The following ITGA9 variants were observed in gnomAD, a reference collection of about 807,000 sequenced individuals.
The protein encoded by ITGA9 is integrin subunit alpha 9.
In ITGA9, 56 loss-of-function variants were observed where a neutral mutation model predicts 127.8. The ratio of observed to expected loss-of-function variants is 0.44; its 90% CI spans 0.35 to 0.55. ITGA9 has a LOEUF of 0.55. Ranked by LOEUF, ITGA9 falls within the 20% of genes least tolerant of loss-of-function variation. ITGA9 has a pLI of 0.00. For missense variants in ITGA9, 1,196 were observed against 1,347.1 expected, an observed-to-expected ratio of 0.89 and a Z score of 1.76; for synonymous variants, 508 against 514.5, an observed-to-expected ratio of 0.99 and a Z score of 0.17.
At chr3:37,644,935 C>T (rs572762123) in intron 16 of ITGA9, among the ~76,000 whole-genome samples, 4 of 152,274 alleles carry the variant, frequency 2.6e-5, no homozygotes, top group East Asian at 1.9e-4. Context: ...TTCCTTCCTT[C>T]GTTTAGGCAT....
intron 16 of ITGA9, among the ~76,000 whole-genome samples, chr3:37,639,091 A>G (rs112295707): frequency 4.1e-4 from 62 of 152,344 alleles, no homozygotes; most frequent in African/African-American, 1.4e-3. Context: ...GCCTCCGTAC[A>G]TACAGCCTGA....
In ITGA9 at chr3:37,821,115, A is replaced by C. The variant is rs1248962059; in HGVS notation, c.*2126A>C. Reference sequence around the variant, plus strand: ...TGCTTCTCTTCCTGGTGAACATGGGAATAGACCAAAAAAATCAAGGGTCAA... The same window carrying C: ...TGCTTCTCTTCCTGGTGAACATGGGCATAGACCAAAAAAATCAAGGGTCAA... On this transcript the variant is annotated 3_prime_UTR_variant, in exon 28 of 28. Transcript: ENST00000264741. The C allele has an allele frequency of 1.3e-5, 2 of 152,138 alleles. No individual in the cohort carries two copies. Among genetic ancestry groups the C allele is most frequent in the Non-Finnish European group, 2.9e-5 (2 of 68,030 alleles). The allele number at this position is 152,138 out of a possible 1,614,324, so 9.4% of individuals were successfully genotyped here.
At chr3:37,600,844 T>C (rs1313868040) in intron 15 of ITGA9, among the ~76,000 whole-genome samples, 2 of 152,182 alleles carry the variant, frequency 1.3e-5, no homozygotes, top group African/African-American at 2.4e-5. Context: ...CCCAACCCCA[T>C]GTGTGCACAT....
chr3:37,493,482 T>C (rs939775866), intron 4 of ITGA9, among the ~76,000 whole-genome samples: 1 of 152,214 alleles, frequency 6.6e-6, no homozygotes, highest in Non-Finnish European at 1.5e-5. Context: ...TTTGAGTCAC[T>C]GTGAACATCT....
chr3:37,571,264 G>A (rs1307710733), intron 15 of ITGA9, among the ~76,000 whole-genome samples: 1 of 152,174 alleles, frequency 6.6e-6, no homozygotes, highest in Non-Finnish European at 1.5e-5. Flanking sequence ...CAAAATCTGA[G>A]CTGTGCTTAT....
chr3:37,704,159 C>A (rs1700977846), intron 18 of ITGA9, among the ~76,000 whole-genome samples: 1 of 152,136 alleles, frequency 6.6e-6, no homozygotes, highest in African/African-American at 2.4e-5. Context: ...CTTATTACAT[C>A]ACGGCCAGTT....
Position 37,481,662 on chromosome 3 carries a change from G to A in ITGA9, c.544+55G>A, listed in dbSNP as rs117087693. 514 of 1,606,876 alleles carry A rather than the reference G, an allele frequency of 3.2e-4. 4 individuals are homozygous for A. The East Asian group carries it at 1.0e-2, about 31-fold the overall frequency. ...CCTACCCACCTCATGCCCTAAGCCC[G>A]CCTTCCCACCTCTATGCACCACCAG... On this transcript the variant is annotated intron_variant, in intron 4 of 27. Transcript: ENST00000264741.
At chr3:37,570,092 A>G (rs920367152) in intron 15 of ITGA9, among the ~76,000 whole-genome samples, 3 of 152,220 alleles carry the variant, frequency 2.0e-5, no homozygotes, top group Non-Finnish European at 4.4e-5. Context: ...TGATTTTGCT[A>G]TGCGCCAAAG....
intron 15 of ITGA9, chr3:37,585,657 A>G (rs1553648597): frequency 7.8e-6 from 4 of 515,588 alleles, no homozygotes; most frequent in South Asian, 5.6e-5. Flanking sequence ...TTGTGGCTAA[A>G]GAAGTCTCAA....
chr3:37,566,607 A>G (rs1386748191), intron 15 of ITGA9, among the ~76,000 whole-genome samples: 2 of 152,226 alleles, frequency 1.3e-5, no homozygotes, highest in Non-Finnish European at 2.9e-5. Flanking sequence ...AGGTGGGATA[A>G]GTGCTGGGGC....
intron 15 of ITGA9, among the ~76,000 whole-genome samples, chr3:37,604,981 T>C (rs1201917762): frequency 1.3e-5 from 2 of 152,190 alleles, no homozygotes; most frequent in Non-Finnish European, 2.9e-5. Flanking sequence ...GAAATAGACA[T>C]GAGTACTCTT....
At chr3:37,662,769 A>G (rs865901261) in intron 17 of ITGA9, among the ~76,000 whole-genome samples, 1 of 152,150 alleles carries the variant, frequency 6.6e-6, no homozygotes, top group Non-Finnish European at 1.5e-5. Context: ...GACCTTACTC[A>G]CTGTACGAAA....
At chr3:37,808,549 A>G (rs1697326740) in intron 27 of ITGA9, 1 of 152,222 alleles carries the variant, frequency 6.6e-6, no homozygotes, top group Non-Finnish European at 1.5e-5. Flanking sequence ...GTATCATACC[A>G]GCTAGCTATG....
At chr3:37,715,247 C>T (rs1283970247) in intron 18 of ITGA9, among the ~76,000 whole-genome samples, 3 of 152,146 alleles carry the variant, frequency 2.0e-5, no homozygotes, top group South Asian at 2.1e-4. Context: ...TAGCAATAAC[C>T]ATTACCATGG....
At chr3:37,635,354 T>C (rs1700267307) in intron 16 of ITGA9, among the ~76,000 whole-genome samples, 1 of 152,202 alleles carries the variant, frequency 6.6e-6, no homozygotes, top group Non-Finnish European at 1.5e-5. Context: ...AACTTGATTA[T>C]ATAAAGGTAA....
chr3:37,488,810 A>T lies in ITGA9; in HGVS notation c.545-5691A>T, dbSNP rs184350228. Among the ~76,000 whole-genome samples the T allele has an allele frequency of 4.0e-3, 607 of 152,186 alleles. 2 individuals are homozygous for T. The highest frequency in any genetic ancestry group is 6.8e-3 in the Middle Eastern group (2 of 294). ...GAGACTCTGTCTCAAAAAAAAAAAA[A>T]ATATTGTAAAAAATAAATAACATAA... On this transcript the variant is annotated intron_variant, in intron 4 of 27. Transcript: ENST00000264741.
At chr3:37,738,153 C>T (rs1696387457) in intron 20 of ITGA9, among the ~76,000 whole-genome samples, 1 of 152,204 alleles carries the variant, frequency 6.6e-6, no homozygotes, top group South Asian at 2.1e-4. Flanking sequence ...ACACTATTTT[C>T]AAGATCACAT....
At chr3:37,648,912 A>G (rs1700403773) in intron 16 of ITGA9, among the ~76,000 whole-genome samples, 1 of 152,154 alleles carries the variant, frequency 6.6e-6, no homozygotes, top group African/African-American at 2.4e-5. Flanking sequence ...GGTACATAAT[A>G]TAAATAGATA....
chr3:37,508,744 G>C, intron 8 of ITGA9, 117 bp downstream of exon 8: 1 of 774,718 alleles, frequency 1.3e-6, no homozygotes. Flanking sequence ...TTATATGGCA[G>C]TGCTGTCTGC....
Sources: gnomAD v4.1 joint callset for allele counts (sites outside exome capture counted in the v4.1 genomes callset) on GRCh38, gnomAD v4.1.1 for gene constraint, MANE v1.5 for transcripts, NCBI Gene and HGNC (gene_info 2026-07-23, HGNC 2026-07-21) for gene names.